The following GCNT1 variants were observed in gnomAD, a reference collection of about 807,000 sequenced individuals.
GCNT1 encodes the protein glucosaminyl (N-acetyl) transferase 1, also known as beta-1,3-galactosyl-O-glycosyl-glycoprotein beta-1,6-N-acetylglucosaminyltransferase.
A neutral mutation model predicts 26.2 loss-of-function variants in GCNT1; 16 were observed. The observed-to-expected ratio is 0.61, with a 90% CI of 0.41 to 0.93. GCNT1 has a LOEUF of 0.93. Ranked by LOEUF, GCNT1 falls within the 40% of genes least tolerant of loss-of-function variation. The pLI is 0.00. For synonymous variants in GCNT1, 183 were observed against 190.8 expected, an observed-to-expected ratio of 0.96 and a Z score of 0.34; for missense variants, 477 against 526.7, an observed-to-expected ratio of 0.91 and a Z score of 0.92.
In GCNT1 at chr9:76,506,735, GTGT is replaced by G. The variant is rs1480576328; in HGVS notation, c.*3075_*3077del. ...ACAGCCACTCAGCCTTGAAAATGGAGTGTTGTTGTTTCTAAACATATATTTATG... is the reference window on the plus strand; with the variant it reads ...ACAGCCACTCAGCCTTGAAAATGGAGTGTTGTTTCTAAACATATATTTATG... On this transcript the variant is annotated 3_prime_UTR_variant, in exon 4 of 4. Transcript: ENST00000376730. The G allele has an allele frequency of 1.8e-5, 3 of 166,986 alleles. No homozygotes were observed. Among genetic ancestry groups the G allele is most frequent in the Non-Finnish European group, 2.9e-5 (2 of 68,094 alleles). 10.3% of individuals were successfully genotyped at this position (166,986 alleles called of 1,614,324 possible).
Position 76,505,917 on chromosome 9 carries a change from C to T in GCNT1, c.*2249C>T, listed in dbSNP as rs1370513153. On this transcript the variant is annotated 3_prime_UTR_variant, in exon 4 of 4. Coordinates refer to ENST00000376730, the MANE Select transcript of GCNT1 (RefSeq NM_001490.5). ...CACATTATAACTGTAAACTTACCAT[C>T]TTCTATGTAGCTGTGATATCTCATC... is the stretch of plus-strand genomic sequence containing the variant. 6.0e-6 allele frequency: 1 copy of T among 166,452 alleles called. No individual in the cohort carries two copies. Among genetic ancestry groups the T allele is most frequent in the African/African-American group, 2.4e-5 (1 of 41,448 alleles). 10.3% of individuals were successfully genotyped at this position (166,452 alleles called of 1,614,324 possible).
chr9:76,476,550 TA>T (rs55776829), intron 2 of GCNT1, among the ~76,000 whole-genome samples: 41,450 of 148,858 alleles, frequency 0.28, 5,877 homozygotes, highest in African/African-American at 0.32. Flanking sequence ...GATTGCTATT[TA>T]AAAAAAAAAA....
the GCNT1 span, among the ~76,000 whole-genome samples, chr9:76,412,515 A>C: frequency 1.3e-5 from 2 of 152,190 alleles, no homozygotes; most frequent in Admixed American, 1.3e-4. Context: ...TTCACTTTTG[A>C]AGAAGAATTT....
At chr9:76,479,156 C>T (rs1449653308) in intron 2 of GCNT1, among the ~76,000 whole-genome samples, 1 of 152,178 alleles carries the variant, frequency 6.6e-6, no homozygotes, top group Non-Finnish European at 1.5e-5. Context: ...TGGTTTCCAG[C>T]TTCATCCATG....
chr9:76,502,659 A>G lies in GCNT1; in HGVS notation c.278A>G (p.Tyr93Cys). 2 of 1,614,194 alleles carry G rather than the reference A, an allele frequency of 1.2e-6. No homozygotes were observed. Among genetic ancestry groups the G allele is most frequent in the Non-Finnish European group, 1.7e-6 (2 of 1,180,012 alleles). The change falls in exon 4 of 4, where the codon TAT becomes TGT. Residue 93 changes from tyrosine (Y) to cysteine (C), a missense_variant. Transcript: ENST00000376730. ...KKRPRWTPDD[Y>C]INMTSDCSSF... ...CGCCCTCGGTGGACACCTGACGACT[A>G]TATAAACATGACCAGTGACTGTTCT...
chr9:76,394,144 C>T, the GCNT1 span: 1 of 1,609,506 alleles, frequency 6.2e-7, no homozygotes, highest in Admixed American at 1.7e-5. Context: ...ACCACTTGAC[C>T]CCGGCAGAAG....
intron 2 of GCNT1, among the ~76,000 whole-genome samples, chr9:76,489,299 T>A (rs1463964279): frequency 6.6e-6 from 1 of 152,108 alleles, no homozygotes; most frequent in Non-Finnish European, 1.5e-5. Flanking sequence ...GTGTCTGGAG[T>A]TGGTTCCTTC....
At position 76,502,997 on chromosome 9, in the gene GCNT1, A is replaced by C; in HGVS notation, c.616A>C (p.Met206Leu). 1 of 1,613,546 alleles carries C rather than the reference A, an allele frequency of 6.2e-7. No homozygotes were observed. Among genetic ancestry groups the C allele is most frequent in the Non-Finnish European group, 8.5e-7 (1 of 1,179,930 alleles). ...DLNCMKDLYA[M>L]SANWKYLINL... ...CAACTGCATGAAGGATCTCTATGCA[A>C]TGAGTGCAAACTGGAAGTACTTGAT... The change falls in exon 4 of 4, where the codon ATG (methionine) becomes CTG (leucine). Residue 206 changes from methionine to leucine, a missense_variant. Physicochemically the swap from Met to Leu is conservative, Grantham distance 15 (BLOSUM62 2). Coordinates refer to ENST00000376730, the MANE Select transcript of GCNT1 (RefSeq NM_001490.5).
intron 1 of GCNT1, chr9:76,442,429 C>T (rs1823495674): frequency 6.6e-6 from 1 of 152,326 alleles, no homozygotes; most frequent in African/African-American, 2.4e-5. Context: ...GCCTGTAATC[C>T]AAGCACTTTG....
chr9:76,453,690 G>A (rs973213928), intron 1 of GCNT1, among the ~76,000 whole-genome samples: 1 of 152,134 alleles, frequency 6.6e-6, no homozygotes, highest in African/African-American at 2.4e-5. Flanking sequence ...CTCACAGGAG[G>A]GCCAAAGCAT....
chr9:76,424,934 T>C (rs907225006), intron 1 of GCNT1, among the ~76,000 whole-genome samples: 1 of 151,964 alleles, frequency 6.6e-6, no homozygotes. Context: ...TGTCAGGAGA[T>C]TGAGACCATC....
chr9:76,403,109 ATC>A, the GCNT1 span, among the ~76,000 whole-genome samples: 1 of 152,244 alleles, frequency 6.6e-6, no homozygotes, highest in Non-Finnish European at 1.5e-5. Flanking sequence ...CACTAAAAAT[ATC>A]TCTGGAAAAT....
chr9:76,411,615 C>T, the GCNT1 span, among the ~76,000 whole-genome samples: 4 of 151,832 alleles, frequency 2.6e-5, no homozygotes, highest in East Asian at 7.7e-4. Context: ...AAGTGTGACC[C>T]AATGCACTCA....
At chr9:76,396,260 C>T in the GCNT1 span, among the ~76,000 whole-genome samples, 1 of 152,118 alleles carries the variant, frequency 6.6e-6, no homozygotes, top group African/African-American at 2.4e-5. Context: ...CTCATGTAAT[C>T]CTCTCATCAG....
the GCNT1 span, among the ~76,000 whole-genome samples, chr9:76,411,898 C>T: frequency 6.6e-6 from 1 of 151,884 alleles, no homozygotes; most frequent in African/African-American, 2.4e-5. Flanking sequence ...GACAAGGTTT[C>T]ACCATGTTGG....
chr9:76,496,600 C>G (rs112553384), intron 2 of GCNT1, among the ~76,000 whole-genome samples: 1 of 151,994 alleles, frequency 6.6e-6, no homozygotes, highest in African/African-American at 2.4e-5. Context: ...TGTTGGAACA[C>G]TTTTAGTGAC....
At chr9:76,422,847 C>T (rs1268853994) in intron 1 of GCNT1, among the ~76,000 whole-genome samples, 1 of 152,234 alleles carries the variant, frequency 6.6e-6, no homozygotes, top group African/African-American at 2.4e-5. Flanking sequence ...GTCACTATGC[C>T]TGGCCTAACC....
intron 2 of GCNT1, among the ~76,000 whole-genome samples, chr9:76,471,278 G>A (rs1438750243): frequency 1.3e-5 from 2 of 152,020 alleles, no homozygotes; most frequent in Non-Finnish European, 2.9e-5. Flanking sequence ...TGCCCACCTC[G>A]GCCTCCTAAA....
chr9:76,473,047 C>A (rs563516452), intron 2 of GCNT1, among the ~76,000 whole-genome samples: 1 of 152,030 alleles, frequency 6.6e-6, no homozygotes, highest in East Asian at 1.9e-4. Flanking sequence ...CTGTGCCCTG[C>A]GACACTTGTC....
Sources: gnomAD v4.1 joint callset for allele counts (sites outside exome capture counted in the v4.1 genomes callset) on GRCh38, gnomAD v4.1.1 for gene constraint, MANE v1.5 for transcripts, NCBI Gene and HGNC (gene_info 2026-07-23, HGNC 2026-07-21) for gene names.